The following SPAG16 variants were observed in gnomAD, a reference collection of about 807,000 sequenced individuals.
SPAG16 encodes sperm associated antigen 16, also known as sperm-associated antigen 16 protein.
SPAG16 carries 86 observed loss-of-function variants against 80.4 expected under a neutral mutation model. The observed-to-expected ratio is 1.07, with a 90% CI of 0.90 to 1.28. SPAG16 has a LOEUF of 1.28. SPAG16 is among the 50% of genes most tolerant of loss of function. SPAG16 has a pLI of 0.00. For synonymous variants in SPAG16, 294 were observed against 265.9 expected (o/e 1.11, Z -1.03); for missense variants, 870 against 765.3 (o/e 1.14, Z -1.61).
chr2:214,012,227 T>C (rs1224968869), intron 12 of SPAG16, among the ~76,000 whole-genome samples: 1 of 142,496 alleles, frequency 7.0e-6, no homozygotes, highest in Non-Finnish European at 1.5e-5. Context: ...TGTATATATA[T>C]ACTTACTTAT....
intron 13 of SPAG16, among the ~76,000 whole-genome samples, chr2:214,042,486 A>T (rs1245971770): frequency 6.6e-6 from 1 of 152,088 alleles, no homozygotes; most frequent in Non-Finnish European, 1.5e-5. Flanking sequence ...CCTCTATTTT[A>T]TACATGTTTG....
intron 15 of SPAG16, among the ~76,000 whole-genome samples, chr2:214,172,798 T>G (rs1205828667): frequency 6.6e-6 from 1 of 152,102 alleles, no homozygotes; most frequent in Non-Finnish European, 1.5e-5. Flanking sequence ...CCATTCTAAC[T>G]GGTGTGAGAT....
At chr2:213,557,673 G>T (rs2059470506) in intron 10 of SPAG16, among the ~76,000 whole-genome samples, 3 of 152,108 alleles carry the variant, frequency 2.0e-5, no homozygotes, top group African/African-American at 7.2e-5. Context: ...GGCTGGTCTA[G>T]AATTCCTGGG....
At chr2:213,285,993 A>G (rs1224616246) in intron 1 of SPAG16, 4 of 1,056,064 alleles carry the variant, frequency 3.8e-6, no homozygotes, top group South Asian at 2.7e-5. Flanking sequence ...TTAACATGAG[A>G]TTGACACAAT....
At chr2:213,692,106 A>C (rs1462697213) in intron 10 of SPAG16, among the ~76,000 whole-genome samples, 1 of 152,238 alleles carries the variant, frequency 6.6e-6, no homozygotes, top group African/African-American at 2.4e-5. Context: ...ATGAAATTTG[A>C]AATTACTTTC....
At position 213,312,228 on chromosome 2, in the gene SPAG16, ATAG is replaced by A. The variant is rs2063217567; in HGVS notation, c.398+2055_398+2057del. Among the ~76,000 whole-genome samples the A allele has an allele frequency of 2.6e-5, 4 of 151,842 alleles. No homozygotes were observed. The South Asian group carries it at 8.3e-4, about 31-fold the overall frequency. On this transcript the variant is annotated intron_variant, in intron 4 of 15. Coordinates refer to ENST00000331683, the MANE Select transcript of SPAG16 (RefSeq NM_024532.5). ...CTTTACAGAAAAGAGTTGCCAGAAC[ATAG>A]TAGGAATTTGTTCTATGAACCACTG...
intron 15 of SPAG16, among the ~76,000 whole-genome samples, chr2:214,172,342 G>A (rs1479282236): frequency 8.6e-5 from 13 of 151,836 alleles, no homozygotes; most frequent in Non-Finnish European, 1.6e-4. Context: ...GAGAACATGC[G>A]GTGTTTGGTT....
At chr2:213,644,666 G>C (rs188688451) in intron 10 of SPAG16, among the ~76,000 whole-genome samples, 1 of 152,178 alleles carries the variant, frequency 6.6e-6, no homozygotes, top group Admixed American at 6.5e-5. Context: ...AGACACTCTT[G>C]TTCTCTTCCC....
chr2:213,612,838 C>A (rs1489739054), intron 10 of SPAG16, among the ~76,000 whole-genome samples: 1 of 152,030 alleles, frequency 6.6e-6, no homozygotes, highest in Non-Finnish European at 1.5e-5. Flanking sequence ...TGCCTGCCAC[C>A]ACGCCTGGCT....
At chr2:213,968,220 G>T (rs2044817964) in intron 12 of SPAG16, among the ~76,000 whole-genome samples, 1 of 150,458 alleles carries the variant, frequency 6.6e-6, no homozygotes, top group Non-Finnish European at 1.5e-5. Context: ...CATCACCCAG[G>T]CTGGAGTGTA....
chr2:214,134,019 T>C (rs1032613978), intron 14 of SPAG16, among the ~76,000 whole-genome samples: 2 of 152,190 alleles, frequency 1.3e-5, no homozygotes, highest in African/African-American at 4.8e-5. Context: ...GAGAGAGTTG[T>C]GAATTGGAGA....
chr2:214,322,685 A>G (rs1301862007), intron 15 of SPAG16, among the ~76,000 whole-genome samples: 1 of 152,218 alleles, frequency 6.6e-6, no homozygotes, highest in Non-Finnish European at 1.5e-5. Flanking sequence ...ATGGTTCAAA[A>G]TTAACCTGCA....
At chr2:213,651,648 A>C (rs528059342) in intron 10 of SPAG16, among the ~76,000 whole-genome samples, 203 of 152,152 alleles carry the variant, frequency 1.3e-3, no homozygotes, top group Non-Finnish European at 2.4e-3. Flanking sequence ...TAAATTGCAC[A>C]CGAAAATGTC....
At chr2:214,280,744 C>T in intron 15 of SPAG16, 1 of 416,360 alleles carries the variant, frequency 2.4e-6, no homozygotes, top group South Asian at 2.1e-5. Context: ...TCTCTTTTAA[C>T]TTATTTCCTG....
chr2:214,217,988 A>G (rs1319330589), intron 15 of SPAG16, among the ~76,000 whole-genome samples: 5 of 152,194 alleles, frequency 3.3e-5, no homozygotes, highest in Non-Finnish European at 7.3e-5. Flanking sequence ...GACACTGACT[A>G]TATTTTAGGT....
At chr2:213,516,650 A>G (rs1486688087) in intron 10 of SPAG16, among the ~76,000 whole-genome samples, 1 of 152,178 alleles carries the variant, frequency 6.6e-6, no homozygotes, top group Non-Finnish European at 1.5e-5. Flanking sequence ...AAGAACTCAA[A>G]ATCTAACTGT....
intron 10 of SPAG16, among the ~76,000 whole-genome samples, chr2:213,572,470 G>C (rs1321745930): frequency 4.0e-5 from 6 of 149,162 alleles, no homozygotes; most frequent in Admixed American, 2.0e-4. Flanking sequence ...AGGACCCTCA[G>C]CTGCAGGTCT....
At chr2:214,134,856 G>T (rs1487758995) in intron 14 of SPAG16, among the ~76,000 whole-genome samples, 5 of 152,110 alleles carry the variant, frequency 3.3e-5, no homozygotes, top group African/African-American at 1.2e-4. Flanking sequence ...AGAAACTTTG[G>T]AATTTTTACA....
At chr2:214,178,788 T>A (rs1338814031) in intron 15 of SPAG16, among the ~76,000 whole-genome samples, 1 of 151,462 alleles carries the variant, frequency 6.6e-6, no homozygotes, top group African/African-American at 2.4e-5. Context: ...AACATTTTGA[T>A]GATTTTTATC....
Sources: gnomAD v4.1 joint callset for allele counts (sites outside exome capture counted in the v4.1 genomes callset) on GRCh38, gnomAD v4.1.1 for gene constraint, MANE v1.5 for transcripts, NCBI Gene and HGNC (gene_info 2026-07-23, HGNC 2026-07-21) for gene names.